Variants in MTUS2 observed in about 807,000 individuals in gnomAD.
MTUS2 encodes microtubule associated scaffold protein 2, also known as microtubule-associated tumor suppressor candidate 2.
MTUS2 carries 40 observed loss-of-function variants against 114.1 expected under a neutral mutation model. The observed-to-expected ratio is 0.35, with a 90% CI of 0.27 to 0.46. The LOEUF is 0.46. MTUS2 is among the 20% of genes least tolerant of loss of function. MTUS2 has a pLI of 1.00. For synonymous variants in MTUS2, 688 were observed against 672.0 expected (o/e 1.02, Z -0.37); for missense variants, 1,679 against 1,705.4 (o/e 0.98, Z 0.27).
intron 8 of MTUS2, among the ~76,000 whole-genome samples, chr13:29,400,115 T>C (rs1480001590): frequency 6.6e-6 from 1 of 152,218 alleles, no homozygotes; most frequent in African/African-American, 2.4e-5. Flanking sequence ...AACAGGACTT[T>C]CAGTGAAACC....
At chr13:28,999,834 A>T (rs910774532) in intron 2 of MTUS2, among the ~76,000 whole-genome samples, 3 of 152,064 alleles carry the variant, frequency 2.0e-5, no homozygotes, top group Non-Finnish European at 4.4e-5. Flanking sequence ...TATGAGACCA[A>T]CTTTTTTAGA....
At chr13:29,280,028 C>G (rs1313487673) in intron 5 of MTUS2, among the ~76,000 whole-genome samples, 1 of 152,184 alleles carries the variant, frequency 6.6e-6, no homozygotes, top group Non-Finnish European at 1.5e-5. Flanking sequence ...TAGATAATTA[C>G]TTGTGAAATA....
At chr13:28,870,502 A>G (rs1007013569) in intron 2 of MTUS2, among the ~76,000 whole-genome samples, 3 of 152,062 alleles carry the variant, frequency 2.0e-5, no homozygotes, top group Admixed American at 6.6e-5. Flanking sequence ...CCCATTCCCC[A>G]TCTCCTTACA....
chr13:29,235,978 A>G (rs1896520638), intron 5 of MTUS2, among the ~76,000 whole-genome samples: 1 of 152,152 alleles, frequency 6.6e-6, no homozygotes, highest in Admixed American at 6.5e-5. Flanking sequence ...ATCTACTAAC[A>G]TATTGTTCTT....
chr13:29,093,249 C>T (rs772160875), intron 4 of MTUS2, among the ~76,000 whole-genome samples: 14 of 152,156 alleles, frequency 9.2e-5, no homozygotes, highest in Non-Finnish European at 1.6e-4. Context: ...TTGAGACCAT[C>T]CTGGCCAACA....
rs759794648 is a variant in MTUS2, at chr13:29,026,571, G to A, written c.1873G>A (p.Glu625Lys). 6.8e-6 allele frequency: 11 copies of A among 1,613,762 alleles called. No homozygotes were observed. In the Admixed American group the frequency reaches 1.3e-4, roughly 20 times the overall value. The change falls in exon 3 of 16, where the codon GAG (glutamate) becomes AAG (lysine). Residue 625 changes from glutamate to lysine, a missense_variant. Glu to Lys is a moderately conservative substitution (Grantham distance 56). This residue lies in a region of MTUS2 where 843 missense variants were observed against 770.8 expected (regional missense o/e 1.09). Coordinates refer to ENST00000612955, the MANE Select transcript of MTUS2 (RefSeq NM_001033602.4). ...MENYQVEKTE[E>K]RTETKPIIMP... is the part of the protein sequence containing the mutation. ...GAACTATCAGGTTGAAAAAACAGAG[G>A]AGAGGACAGAAACTAAGCCCATCAT...
chr13:29,059,502 A>G (rs1023951180), intron 4 of MTUS2, among the ~76,000 whole-genome samples: 4 of 152,164 alleles, frequency 2.6e-5, no homozygotes, highest in African/African-American at 9.7e-5. Context: ...GCATCTGCCC[A>G]CAGAGTTCAG....
chr13:28,863,360 C>G (rs370782342), intron 2 of MTUS2, among the ~76,000 whole-genome samples: 1 of 152,184 alleles, frequency 6.6e-6, no homozygotes, highest in Non-Finnish European at 1.5e-5. Flanking sequence ...GCCTCCCACT[C>G]GGTTACAATT....
intron 4 of MTUS2, among the ~76,000 whole-genome samples, chr13:29,041,157 T>A (rs1887337497): frequency 6.6e-6 from 1 of 152,056 alleles, no homozygotes; most frequent in Admixed American, 6.5e-5. Flanking sequence ...GAAGGTCCAA[T>A]TTCATTATTC....
chr13:29,452,973 C>T (rs182933511), intron 9 of MTUS2, among the ~76,000 whole-genome samples: 8 of 152,268 alleles, frequency 5.3e-5, no homozygotes, highest in Admixed American at 3.3e-4. Context: ...CTGACAACAA[C>T]AGTAGTAGAT....
At chr13:29,072,621 G>T (rs754493734) in intron 4 of MTUS2, among the ~76,000 whole-genome samples, 2 of 152,122 alleles carry the variant, frequency 1.3e-5, no homozygotes, top group African/African-American at 2.4e-5. Context: ...AAATGCTAAA[G>T]CCACTGATCA....
At chr13:28,854,138 A>G (rs1299659674) in intron 2 of MTUS2, among the ~76,000 whole-genome samples, 1 of 152,174 alleles carries the variant, frequency 6.6e-6, no homozygotes. Flanking sequence ...GAGATGCAGA[A>G]TCTCAAGACT....
chr13:29,082,505 G>A (rs1889488726), intron 4 of MTUS2, among the ~76,000 whole-genome samples: 1 of 152,076 alleles, frequency 6.6e-6, no homozygotes, highest in Admixed American at 6.5e-5. Flanking sequence ...AATCTTAAAG[G>A]GGTGACCTCC....
At chr13:29,454,326 G>C (rs934295417) in intron 9 of MTUS2, among the ~76,000 whole-genome samples, 1 of 152,200 alleles carries the variant, frequency 6.6e-6, no homozygotes, top group Non-Finnish European at 1.5e-5. Context: ...GTGTCATCTG[G>C]AGAGACCAGG....
At chr13:29,216,291 T>G (rs1209804100) in intron 5 of MTUS2, among the ~76,000 whole-genome samples, 1 of 152,218 alleles carries the variant, frequency 6.6e-6, no homozygotes, top group Non-Finnish European at 1.5e-5. Context: ...TTCAAGCCAG[T>G]GGATCTTAGC....
At chr13:29,162,309 A>G (rs939397871) in intron 5 of MTUS2, among the ~76,000 whole-genome samples, 1 of 152,192 alleles carries the variant, frequency 6.6e-6, no homozygotes, top group African/African-American at 2.4e-5. Flanking sequence ...CTCAGTGTAC[A>G]TACTCTATTA....
chr13:28,948,012 C>A (rs1364280845), intron 2 of MTUS2, among the ~76,000 whole-genome samples: 2 of 152,142 alleles, frequency 1.3e-5, no homozygotes, highest in Non-Finnish European at 2.9e-5. Context: ...TTTAGAAATT[C>A]AAACCAAAAT....
At chr13:29,149,405 T>C (rs980816970) in intron 5 of MTUS2, among the ~76,000 whole-genome samples, 4 of 152,218 alleles carry the variant, frequency 2.6e-5, no homozygotes, top group Non-Finnish European at 4.4e-5. Flanking sequence ...TTTAAGTTCC[T>C]TGTAGATACT....
intron 5 of MTUS2, among the ~76,000 whole-genome samples, chr13:29,275,378 T>C (rs1176715633): frequency 5.3e-5 from 8 of 152,234 alleles, no homozygotes. Flanking sequence ...ATAAACAATC[T>C]AGTTATACTC....
Sources: allele counts gnomAD v4.1 joint callset (sites outside exome capture counted in the v4.1 genomes callset), GRCh38; gene constraint gnomAD v4.1.1; regional missense constraint gnomAD v4.1.1; transcripts MANE v1.5; gene names NCBI Gene and HGNC (gene_info 2026-07-23, HGNC 2026-07-21).